The following PCDH19 variants were observed in gnomAD, a reference collection of about 807,000 sequenced individuals.
PCDH19 encodes protocadherin 19.
A neutral mutation model predicts 46.2 loss-of-function variants in PCDH19; 6 were observed. The observed-to-expected ratio is 0.13, with a 90% CI of 0.07 to 0.26. The LOEUF (loss-of-function observed/expected upper bound fraction) is 0.26. Ranked by LOEUF, PCDH19 falls within the 10% of genes least tolerant of loss-of-function variation. The pLI is 1.00. For missense variants in PCDH19, 740 were observed against 972.3 expected, an observed-to-expected ratio of 0.76 and a Z score of 3.18; for synonymous variants, 481 against 415.7, an observed-to-expected ratio of 1.16 and a Z score of -1.91.
chrX:100,384,934 A>C (rs888560233), intron 3 of PCDH19, among the ~76,000 whole-genome samples: 2 of 110,834 alleles, frequency 1.8e-5, no homozygotes, highest in African/African-American at 3.3e-5. Context: ...GGAGATAGGC[A>C]GGTTACCTGA....
At chrX:100,351,685 T>C (rs1344554694) in intron 3 of PCDH19, among the ~76,000 whole-genome samples, 1 of 112,278 alleles carries the variant, frequency 8.9e-6, no homozygotes, top group East Asian at 2.8e-4. Context: ...CCACCATTCC[T>C]TAGGAGCCTT....
At chrX:100,391,454 G>C (rs1489781931) in intron 3 of PCDH19, among the ~76,000 whole-genome samples, 1 of 111,814 alleles carries the variant, frequency 8.9e-6, no homozygotes, top group Non-Finnish European at 1.9e-5. Flanking sequence ...CACAGAATAT[G>C]CTGCCCTCAT....
intron 5 of PCDH19, among the ~76,000 whole-genome samples, chrX:100,308,015 T>C (rs1925004854): frequency 9.0e-6 from 1 of 110,640 alleles, no homozygotes; most frequent in Admixed American, 9.6e-5. Flanking sequence ...AACACCACCA[T>C]TATTCTTCAC....
chrX:100,402,070 G>T (rs1569312635), intron 3 of PCDH19, among the ~76,000 whole-genome samples: 1 of 111,972 alleles, frequency 8.9e-6, no homozygotes, highest in African/African-American at 3.3e-5. Flanking sequence ...GTGATGTGAC[G>T]AAAGAAAAAG....
chrX:100,385,159 C>CAA (rs1186942086), intron 3 of PCDH19, among the ~76,000 whole-genome samples: 3 of 38,482 alleles, frequency 7.8e-5, no homozygotes, highest in Admixed American at 3.3e-4. Flanking sequence ...ACTCTGTCTC[C>CAA]AAAAAAAAAA....
In PCDH19 at chrX:100,369,313, G is replaced by A. The variant is rs887642260; in HGVS notation, c.2617-18609C>T. ...ATGGAAGACAGCATAACAGCCATCA[G>A]TCCATCTTTTCTAGGAACCCCACCT... On this transcript the variant is annotated intron_variant, in intron 3 of 5. Transcript: ENST00000373034. Among the ~76,000 whole-genome samples, 22 of 111,489 alleles carry A rather than the reference G, an allele frequency of 2.0e-4. No homozygotes were observed. The Admixed American group carries it at 2.0e-3, about 10-fold the overall frequency.
chrX:100,342,141 CAG>C, intron 4 of PCDH19, 66 bp from the exon 5 acceptor site: 1 of 1,027,451 alleles, frequency 9.7e-7, no homozygotes. Flanking sequence ...CTTTCTGAGC[CAG>C]GATGATGTCG....
intron 5 of PCDH19, among the ~76,000 whole-genome samples, chrX:100,334,292 G>A (rs1289895886): frequency 9.0e-6 from 1 of 111,372 alleles, no homozygotes; most frequent in African/African-American, 3.3e-5. Flanking sequence ...GATCTTAAAA[G>A]CTATTACCAC....
chrX:100,344,731 C>T (rs1926346632), intron 4 of PCDH19, among the ~76,000 whole-genome samples: 1 of 98,573 alleles, frequency 1.0e-5, no homozygotes, highest in Non-Finnish European at 2.0e-5. Flanking sequence ...ATTAACCAGC[C>T]CTTGGAGCAG....
At chrX:100,357,631 G>GC (rs745986762) in intron 3 of PCDH19, among the ~76,000 whole-genome samples, 1 of 111,952 alleles carries the variant, frequency 8.9e-6, no homozygotes, top group Non-Finnish European at 1.9e-5. Flanking sequence ...CCTTAGCTAA[G>GC]CAGTCATCCA....
chrX:100,396,198 G>T (rs1419788072), intron 3 of PCDH19, among the ~76,000 whole-genome samples: 1 of 112,311 alleles, frequency 8.9e-6, no homozygotes, highest in Non-Finnish European at 1.9e-5. Context: ...AAGAGCCACA[G>T]CACTGCCACA....
intron 3 of PCDH19, among the ~76,000 whole-genome samples, chrX:100,374,060 G>C (rs184757288): frequency 8.9e-6 from 1 of 112,698 alleles, no homozygotes; most frequent in African/African-American, 3.2e-5. Flanking sequence ...CATTGATTTC[G>C]TCAGTAGCTT....
chrX:100,322,861 A>ATTTT (rs1157437894), intron 5 of PCDH19, among the ~76,000 whole-genome samples: 804 of 44,375 alleles, frequency 0.018, 34 homozygotes, highest in Admixed American at 0.046. Context: ...ATATATATAT[A>ATTTT]TATATTTTTG....
At chrX:100,376,167 G>A (rs906582771) in intron 3 of PCDH19, among the ~76,000 whole-genome samples, 2 of 106,112 alleles carry the variant, frequency 1.9e-5, no homozygotes, top group Non-Finnish European at 3.9e-5. Flanking sequence ...CCCAGGAGGT[G>A]GAGGTTGCAG....
At chrX:100,319,731 G>T (rs1357479343) in intron 5 of PCDH19, among the ~76,000 whole-genome samples, 1 of 112,087 alleles carries the variant, frequency 8.9e-6, no homozygotes, top group Non-Finnish European at 1.9e-5. Context: ...CACAGGAAAT[G>T]GGCTAGTAGT....
At chrX:100,393,525 C>CACACACAA (rs1487355491) in intron 3 of PCDH19, among the ~76,000 whole-genome samples, 2 of 109,153 alleles carry the variant, frequency 1.8e-5, no homozygotes, top group East Asian at 5.8e-4. Context: ...CACACACACA[C>CACACACAA]ACACACACAC....
At chrX:100,395,070 G>T (rs1382333589) in intron 3 of PCDH19, among the ~76,000 whole-genome samples, 2 of 109,778 alleles carry the variant, frequency 1.8e-5, no homozygotes, top group Non-Finnish European at 3.8e-5. Flanking sequence ...TGTATTTTTA[G>T]TAGAGACGGG....
At chrX:100,317,438 C>T (rs935955675) in intron 5 of PCDH19, among the ~76,000 whole-genome samples, 3 of 111,391 alleles carry the variant, frequency 2.7e-5, no homozygotes, top group African/African-American at 9.8e-5. Context: ...CCCTTCTGAA[C>T]AGAATGTTCA....
At chrX:100,306,338 T>C (rs912314024) in intron 5 of PCDH19, among the ~76,000 whole-genome samples, 1 of 111,799 alleles carries the variant, frequency 8.9e-6, no homozygotes, top group South Asian at 3.7e-4. Flanking sequence ...GAAACCAAGA[T>C]GGAAACTGAA....
Sources: allele counts gnomAD v4.1 joint callset (sites outside exome capture counted in the v4.1 genomes callset), GRCh38; gene constraint gnomAD v4.1.1; transcripts MANE v1.5; gene names NCBI Gene and HGNC (gene_info 2026-07-23, HGNC 2026-07-21).